The following EHBP1 variants were observed in gnomAD, a reference collection of about 807,000 sequenced individuals.
EHBP1 encodes EH domain binding protein 1.
In EHBP1, 55 loss-of-function variants were observed where a neutral mutation model predicts 144.0. The observed-to-expected ratio is 0.38, with a 90% CI of 0.31 to 0.48. The LOEUF is 0.48. Ranked by LOEUF, EHBP1 falls within the 20% of genes least tolerant of loss-of-function variation. EHBP1 has a pLI of 0.98. For synonymous variants in EHBP1, 469 were observed against 472.7 expected, an observed-to-expected ratio of 0.99 and a Z score of 0.10; for missense variants, 1,200 against 1,364.2, an observed-to-expected ratio of 0.88 and a Z score of 1.90.
chr2:63,045,913 T>C lies in EHBP1; in HGVS notation c.*413T>C, dbSNP rs1434879857. ...AATAGCATAATGACAGTGGGAGGGG[T>C]ACAAGGGGATAAGAAAAATGTCATG... On this transcript the variant is annotated 3_prime_UTR_variant, in exon 23 of 23. Transcript: ENST00000431489. This position sits in a 1 kb window ranked among gnomAD's most constrained non-coding sequence, Gnocchi z 5.7. 6.2e-6 allele frequency: 1 copy of C among 160,470 alleles called. No homozygotes were observed. Among genetic ancestry groups the C allele is most frequent in the Non-Finnish European group, 1.4e-5 (1 of 72,972 alleles). The allele number at this position is 160,470 out of a possible 1,614,324, so 9.9% of individuals were successfully genotyped here.
chr2:62,989,257 A>G (rs552555440), intron 15 of EHBP1, among the ~76,000 whole-genome samples: 1 of 152,224 alleles, frequency 6.6e-6, no homozygotes, highest in East Asian at 1.9e-4. Flanking sequence ...AACCACCACC[A>G]AAGGCTTTAT....
intron 5 of EHBP1, among the ~76,000 whole-genome samples, chr2:62,825,216 A>C (rs899710470): frequency 3.9e-5 from 6 of 152,054 alleles, no homozygotes; most frequent in African/African-American, 1.4e-4. Context: ...CTTATTCATC[A>C]TATCTCCCCA....
intron 10 of EHBP1, among the ~76,000 whole-genome samples, chr2:62,880,321 T>G (rs1235424123): frequency 6.9e-6 from 1 of 145,728 alleles, no homozygotes; most frequent in Admixed American, 6.9e-5. Flanking sequence ...GAAGATTTCA[T>G]GACAAAAACT....
At chr2:62,738,628 A>C (rs2038381781) in intron 2 of EHBP1, among the ~76,000 whole-genome samples, 2 of 152,142 alleles carry the variant, frequency 1.3e-5, no homozygotes, top group Non-Finnish European at 2.9e-5. Flanking sequence ...TGTACTGGGG[A>C]TAGTCAGATA....
At chr2:63,035,546 A>G (rs2153356618) in intron 19 of EHBP1, among the ~76,000 whole-genome samples, 1 of 152,224 alleles carries the variant, frequency 6.6e-6, no homozygotes, top group South Asian at 2.1e-4. Context: ...ATTTAAGAGT[A>G]GGCTGATTGC....
chr2:62,689,605 G>A (rs545706378), intron 1 of EHBP1, among the ~76,000 whole-genome samples: 42 of 152,240 alleles, frequency 2.8e-4, no homozygotes, highest in African/African-American at 5.1e-4. Context: ...CCGAGGTCTC[G>A]GAGATAACCG....
At chr2:62,738,873 T>C (rs1413937503) in intron 2 of EHBP1, among the ~76,000 whole-genome samples, 1 of 152,226 alleles carries the variant, frequency 6.6e-6, no homozygotes, top group Non-Finnish European at 1.5e-5. Context: ...GGTGATATTG[T>C]CTCGGCTTCC....
chr2:62,770,458 G>A (rs554381901), intron 4 of EHBP1, among the ~76,000 whole-genome samples: 11 of 152,186 alleles, frequency 7.2e-5, no homozygotes, highest in Middle Eastern at 6.8e-3. Flanking sequence ...AAAATCACAA[G>A]ATAGCATCTC....
At chr2:62,714,946 A>G (rs2035521505) in intron 2 of EHBP1, among the ~76,000 whole-genome samples, 1 of 152,176 alleles carries the variant, frequency 6.6e-6, no homozygotes, top group South Asian at 2.1e-4. Flanking sequence ...ATCAATTCCT[A>G]TGGTTTTATA....
chr2:62,870,782 G>A (rs1025593650), intron 9 of EHBP1, among the ~76,000 whole-genome samples: 1 of 148,214 alleles, frequency 6.7e-6, no homozygotes, highest in African/African-American at 2.5e-5. Flanking sequence ...ATATTTTTGA[G>A]ACTTTTATTT....
At chr2:62,725,797 G>C (rs945765123) in intron 2 of EHBP1, among the ~76,000 whole-genome samples, 1 of 152,162 alleles carries the variant, frequency 6.6e-6, no homozygotes, top group African/African-American at 2.4e-5. Context: ...AAAGCGATGT[G>C]GGGGGTTGTC....
chr2:62,967,662 G>T (rs757211525), intron 14 of EHBP1, among the ~76,000 whole-genome samples: 4 of 152,122 alleles, frequency 2.6e-5, no homozygotes, highest in Non-Finnish European at 4.4e-5. Flanking sequence ...TACATCTCAG[G>T]AATGTGGTTC....
chr2:62,747,376 CT>C lies in EHBP1; in HGVS notation c.105-10del, dbSNP rs746813164. 389 of 1,573,030 alleles carry C rather than the reference CT, an allele frequency of 2.5e-4. No individual in the cohort carries two copies. Among genetic ancestry groups the C allele is most frequent in the Middle Eastern group, 7.6e-4 (4 of 5,282 alleles). ...TTTATTTAAGATAAATTATGTTTAACTTTTTTTTTGTTTGGCAGGCAACCAG... is the reference window on the plus strand; with the variant it reads ...TTTATTTAAGATAAATTATGTTTAACTTTTTTTTGTTTGGCAGGCAACCAG... On this transcript the variant is annotated intron_variant, in intron 2 of 22. Coordinates refer to ENST00000431489, the MANE Select transcript of EHBP1 (RefSeq NM_001142616.3).
At chr2:62,858,547 T>C (rs1451289340) in intron 7 of EHBP1, 2 of 1,402,428 alleles carry the variant, frequency 1.4e-6, no homozygotes, top group South Asian at 2.3e-5. Context: ...TGCTTCTGAT[T>C]GCCTGTATTT....
intron 5 of EHBP1, among the ~76,000 whole-genome samples, chr2:62,777,811 G>T (rs2042149911): frequency 6.6e-6 from 1 of 152,090 alleles, no homozygotes; most frequent in African/African-American, 2.4e-5. Context: ...ATAATTCCTG[G>T]AGGAAGTGGC....
At chr2:62,879,878 A>C (rs1374854050) in intron 10 of EHBP1, among the ~76,000 whole-genome samples, 1 of 152,146 alleles carries the variant, frequency 6.6e-6, no homozygotes, top group Non-Finnish European at 1.5e-5. Context: ...TCATATGGAA[A>C]AACAACAACA....
chr2:62,843,046 T>C (rs2048031233), intron 7 of EHBP1, among the ~76,000 whole-genome samples: 1 of 152,230 alleles, frequency 6.6e-6, no homozygotes, highest in South Asian at 2.1e-4. Context: ...GCAGTAATTT[T>C]CTTTTAGACA....
rs566397317 is a variant in EHBP1 at position 62,902,293 on chromosome 2, T to C, written c.1185+27761T>C. Reference sequence around the variant, plus strand: ...GTAGCTGACTTTGAACGTGGGAGGATTGTTGATGCACTAGTGCCTAAGGGG... The same window carrying C: ...GTAGCTGACTTTGAACGTGGGAGGACTGTTGATGCACTAGTGCCTAAGGGG... On this transcript the variant is annotated intron_variant, in intron 10 of 22. Transcript: ENST00000431489. 4.6e-5 allele frequency among the ~76,000 whole-genome samples: 7 copies of C among 152,168 alleles called. 1 individual carries two copies. Among genetic ancestry groups the C allele is most frequent in the Admixed American group, 3.3e-4 (5 of 15,282 alleles).
At chr2:62,765,918 A>G (rs1251441812) in intron 4 of EHBP1, among the ~76,000 whole-genome samples, 2 of 152,080 alleles carry the variant, frequency 1.3e-5, no homozygotes, top group Non-Finnish European at 1.5e-5. Flanking sequence ...TTTATATACA[A>G]TTCTTTTTCT....
Sources: gnomAD v4.1 joint callset for allele counts (sites outside exome capture counted in the v4.1 genomes callset) on GRCh38, gnomAD v4.1.1 for gene constraint, Gnocchi (gnomAD v3.1) non-coding constraint, MANE v1.5 for transcripts, NCBI Gene and HGNC (gene_info 2026-07-23, HGNC 2026-07-21) for gene names.